NBAS: variants seen among roughly 807,000 people sequenced by gnomAD.
NBAS encodes the protein NBAS subunit of NRZ tethering complex.
NBAS carries 219 observed loss-of-function variants against 302.5 expected under a neutral mutation model. The observed-to-expected ratio is 0.72, with a 90% CI of 0.65 to 0.81. The LOEUF (loss-of-function observed/expected upper bound fraction) is 0.81, where lower values mean the gene tolerates loss of function less well. NBAS is among the 30% of genes least tolerant of loss of function. NBAS has a pLI of 0.00. For synonymous variants in NBAS, 1,118 were observed against 1,021.6 expected, an observed-to-expected ratio of 1.09 and a Z score of -1.80; for missense variants, 2,932 against 2,841.6, an observed-to-expected ratio of 1.03 and a Z score of -0.72.
the NBAS span, among the ~76,000 whole-genome samples, chr2:14,927,767 C>T: frequency 6.6e-6 from 1 of 152,126 alleles, no homozygotes; most frequent in Non-Finnish European, 1.5e-5. Context: ...AAGTGTTATT[C>T]CTGTGGTGAT....
intron 47 of NBAS, among the ~76,000 whole-genome samples, 164 bp from the exon 48 acceptor site, chr2:15,219,132 G>C (rs559075398): frequency 1.8e-4 from 27 of 152,268 alleles, no homozygotes; most frequent in African/African-American, 5.5e-4. Context: ...ACAGCGAACT[G>C]TATTAGGTAT....
chr2:15,032,368 T>G, the NBAS span, among the ~76,000 whole-genome samples: 1 of 152,178 alleles, frequency 6.6e-6, no homozygotes, highest in Admixed American at 6.5e-5. Context: ...ATTGTATAAC[T>G]GAACAATAGA....
At chr2:15,381,948 G>A (rs1675055189) in intron 29 of NBAS, among the ~76,000 whole-genome samples, 2 of 152,128 alleles carry the variant, frequency 1.3e-5, no homozygotes, top group East Asian at 1.9e-4. Context: ...TTCATCAATG[G>A]GTTATGCTTT....
intron 47 of NBAS, among the ~76,000 whole-genome samples, chr2:15,228,953 A>G (rs1667257287): frequency 6.6e-6 from 1 of 152,218 alleles, no homozygotes; most frequent in South Asian, 2.1e-4. Context: ...ATATTTCAAG[A>G]TCGCTAGAAG....
intron 1 of NBAS, among the ~76,000 whole-genome samples, chr2:15,559,062 CAAAAAAAAAAA>C (rs70961421): frequency 2.4e-4 from 12 of 50,416 alleles, no homozygotes; most frequent in African/African-American, 8.3e-4. Flanking sequence ...GACCCTGCCT[CAAAAAAAAAAA>C]AAAAAAAAAA....
intron 47 of NBAS, among the ~76,000 whole-genome samples, chr2:15,224,380 T>A (rs1667073156): frequency 6.6e-6 from 1 of 152,204 alleles, no homozygotes; most frequent in Non-Finnish European, 1.5e-5. Context: ...TATATGAGAA[T>A]GCAAGAAAGC....
chr2:15,042,092 G>A, the NBAS span, among the ~76,000 whole-genome samples: 4 of 152,224 alleles, frequency 2.6e-5, no homozygotes, highest in Middle Eastern at 3.2e-3. Flanking sequence ...TTCTGGAACT[G>A]AGGATTGCTG....
At chr2:14,849,160 A>G in the NBAS span, among the ~76,000 whole-genome samples, 1 of 141,574 alleles carries the variant, frequency 7.1e-6, no homozygotes, top group Non-Finnish European at 1.5e-5. Context: ...CCAAAGGCAA[A>G]GAAGTTGAAA....
chr2:14,798,088 C>A, the NBAS span, among the ~76,000 whole-genome samples: 3 of 152,152 alleles, frequency 2.0e-5, no homozygotes, highest in African/African-American at 7.2e-5. Context: ...TGCTATGTTT[C>A]TTTGTCTTGC....
At chr2:15,234,248 C>G (rs1453513638) in intron 46 of NBAS, among the ~76,000 whole-genome samples, 1 of 152,138 alleles carries the variant, frequency 6.6e-6, no homozygotes, top group Non-Finnish European at 1.5e-5. Context: ...GAGTCTGAAA[C>G]TTACTTACCT....
chr2:15,443,389 C>A (rs1678545324), intron 21 of NBAS, among the ~76,000 whole-genome samples: 1 of 151,844 alleles, frequency 6.6e-6, no homozygotes, highest in Non-Finnish European at 1.5e-5. Context: ...TAAACAGAAC[C>A]AAAGACAAAA....
chr2:15,411,903 G>A (rs756071874), intron 25 of NBAS, among the ~76,000 whole-genome samples: 1 of 152,036 alleles, frequency 6.6e-6, no homozygotes, highest in African/African-American at 2.4e-5. Context: ...ATGAGAAGGC[G>A]GAAGCTTTTG....
Position 15,308,299 on chromosome 2 carries a change from G to C in NBAS, c.4714C>G (p.Gln1572Glu). The change falls in exon 40 of 52, where the codon CAG (glutamine) becomes GAG (glutamate). Residue 1572 changes from glutamine to glutamate, a missense_variant. Physicochemically the swap from Gln to Glu is conservative, Grantham distance 29. Transcript: ENST00000281513. ...EKQSPSALSL[Q>E]LAAYYYSLQI... ...AGGCTATAGTAATACGCTGCCAGCT[G>C]GAGAGATAATGCAGAGGGGGACTGC... 6.2e-7 allele frequency: 1 copy of C among 1,614,180 alleles called. No individual in the cohort carries two copies. Among genetic ancestry groups the C allele is most frequent in the Non-Finnish European group, 8.5e-7 (1 of 1,180,018 alleles).
the NBAS span, among the ~76,000 whole-genome samples, chr2:14,785,080 A>T: frequency 6.6e-6 from 1 of 152,172 alleles, no homozygotes; most frequent in Non-Finnish European, 1.5e-5. Flanking sequence ...CCTTTGAAGC[A>T]ATTGTGAATG....
At chr2:15,204,984 T>A (rs1245305111) in intron 48 of NBAS, among the ~76,000 whole-genome samples, 1 of 152,070 alleles carries the variant, frequency 6.6e-6, no homozygotes, top group East Asian at 1.9e-4. Flanking sequence ...ATTGTGCATA[T>A]GTATCCTAGA....
At chr2:15,473,382 T>C in intron 15 of NBAS, 35 bp from the exon 16 acceptor site, 5 of 1,611,206 alleles carry the variant, frequency 3.1e-6, no homozygotes, top group Non-Finnish European at 3.4e-6. Flanking sequence ...GAATGTTACA[T>C]GACTGAATTA....
At chr2:15,560,690 G>C (rs1009622373) in intron 1 of NBAS, among the ~76,000 whole-genome samples, 1 of 151,974 alleles carries the variant, frequency 6.6e-6, no homozygotes, top group Non-Finnish European at 1.5e-5. Flanking sequence ...CTCAGATTCT[G>C]CGCTCTGCAC....
chr2:14,884,066 T>C, the NBAS span, among the ~76,000 whole-genome samples: 2 of 152,042 alleles, frequency 1.3e-5, no homozygotes, highest in Non-Finnish European at 2.9e-5. Flanking sequence ...AACTACCCAG[T>C]GGTTACTGGG....
chr2:14,915,837 G>A, the NBAS span, among the ~76,000 whole-genome samples: 1 of 152,134 alleles, frequency 6.6e-6, no homozygotes, highest in Non-Finnish European at 1.5e-5. Context: ...TGGGATTACA[G>A]GCATGAGCCA....
Sources: allele counts gnomAD v4.1 joint callset (sites outside exome capture counted in the v4.1 genomes callset), GRCh38; gene constraint gnomAD v4.1.1; transcripts MANE v1.5; gene names NCBI Gene and HGNC (gene_info 2026-07-23, HGNC 2026-07-21).